Variants in TDP1 observed in about 807,000 individuals in gnomAD.
TDP1 encodes tyrosyl-DNA phosphodiesterase 1.
A neutral mutation model predicts 81.5 loss-of-function variants in TDP1; 64 were observed. That is an observed-to-expected ratio of 0.79 (90% CI 0.64 to 0.97). The LOEUF (loss-of-function observed/expected upper bound fraction) is 0.97. Ranked by LOEUF, TDP1 falls within the 50% of genes least tolerant of loss-of-function variation. The pLI is 0.00. For missense variants in TDP1, 723 were observed against 743.8 expected (o/e 0.97, Z 0.33); for synonymous variants, 256 against 264.3 (o/e 0.97, Z 0.30).
chr14:89,980,233 G>A (rs780074658), intron 7 of TDP1: 8 of 985,324 alleles, frequency 8.1e-6, no homozygotes, highest in Non-Finnish European at 9.6e-6. Flanking sequence ...ACGGTCCCTA[G>A]TAGTAACAGG....
At chr14:89,965,960 T>A in intron 3 of TDP1, 187 bp from the exon 4 acceptor site, 1 of 779,798 alleles carries the variant, frequency 1.3e-6, no homozygotes, top group Non-Finnish European at 1.6e-6. Context: ...TGATAAATAT[T>A]AAATACCATA....
At chr14:90,037,758 A>G (rs1887970461) in intron 16 of TDP1, among the ~76,000 whole-genome samples, 2 of 152,216 alleles carry the variant, frequency 1.3e-5, no homozygotes, top group South Asian at 4.1e-4. Flanking sequence ...CAGTACAGTG[A>G]TCAATATCAG....
intron 16 of TDP1, among the ~76,000 whole-genome samples, chr14:90,034,056 G>A (rs570395785): frequency 1.3e-5 from 2 of 151,918 alleles, no homozygotes; most frequent in African/African-American, 2.4e-5. Context: ...GACAGAGCAA[G>A]ACCCCAACTC....
intron 6 of TDP1, among the ~76,000 whole-genome samples, chr14:89,972,878 C>T (rs773586164): frequency 5.3e-5 from 8 of 152,178 alleles, no homozygotes; most frequent in Non-Finnish European, 1.0e-4. Flanking sequence ...TTCTGCTCTG[C>T]AAGTACAGAG....
At chr14:90,018,031 C>T (rs1885516818) in intron 14 of TDP1, among the ~76,000 whole-genome samples, 1 of 152,016 alleles carries the variant, frequency 6.6e-6, no homozygotes, top group Admixed American at 6.6e-5. Context: ...CTCTGATTTC[C>T]ACATTCTTCT....
At chr14:89,979,366 G>T (rs1894722076) in intron 7 of TDP1, among the ~76,000 whole-genome samples, 1 of 151,412 alleles carries the variant, frequency 6.6e-6, no homozygotes, top group African/African-American at 2.4e-5. Context: ...CTGGAGTGCA[G>T]TGGTGCAGTC....
intron 8 of TDP1, 51 bp from the exon 9 acceptor site, chr14:89,984,465 A>G (rs780050892): frequency 6.2e-7 from 1 of 1,612,548 alleles, no homozygotes; most frequent in South Asian, 1.1e-5. Flanking sequence ...TACAGAGATC[A>G]TTATGATCAG....
At position 89,971,289 on chromosome 14, in the gene TDP1, G is replaced by A. The variant is rs149166005; in HGVS notation, c.756+18G>A. 1.6e-5 allele frequency: 26 copies of A among 1,592,102 alleles called. No individual in the cohort carries two copies. The highest frequency in any genetic ancestry group is 1.7e-4 in the Middle Eastern group (1 of 6,008). On this transcript the variant is annotated intron_variant, in intron 6 of 16. Transcript: ENST00000335725. ...TCTGCCAGGTAAGCCACTTACTGCC[G>A]TTGGAGAGCACGCGTAGTCTGAGTT...
rs35776622 is a variant in TDP1, at chr14:89,966,922, A to C, written c.604-445A>C. On this transcript the variant is annotated intron_variant, in intron 4 of 16. Transcript: ENST00000335725. ...TGTCTGGTCCCAGGTGGCTGTGTACAAAGCTAGCTAATAAGTTAGCCTGAA... is the reference window on the plus strand; with the variant it reads ...TGTCTGGTCCCAGGTGGCTGTGTACCAAGCTAGCTAATAAGTTAGCCTGAA... 4,359 of 935,224 alleles carry C rather than the reference A, an allele frequency of 4.7e-3. 16 individuals carry two copies. The highest frequency in any genetic ancestry group is 5.2e-3 in the Non-Finnish European group (4,087 of 784,100). The allele number at this position is 935,224 out of a possible 1,614,324, so 57.9% of individuals were successfully genotyped here. A position where few individuals can be genotyped will look rare whatever the true frequency, so the allele number is the denominator to read the frequency against.
At chr14:90,005,570 CATT>C (rs1460667570) in intron 14 of TDP1, among the ~76,000 whole-genome samples, 1 of 152,158 alleles carries the variant, frequency 6.6e-6, no homozygotes, top group Non-Finnish European at 1.5e-5. Context: ...ATTCATTCCT[CATT>C]ATAGCCCAGT....
intron 8 of TDP1, chr14:89,981,574 CTG>C: frequency 4.6e-6 from 2 of 435,638 alleles, no homozygotes; most frequent in South Asian, 3.4e-5. Context: ...CACGTTTTCT[CTG>C]TCATCCTCCT....
At chr14:89,992,015 T>C (rs750519703) in intron 13 of TDP1, 32 bp downstream of exon 13, 4 of 1,584,052 alleles carry the variant, frequency 2.5e-6, no homozygotes, top group Non-Finnish European at 3.5e-6. Flanking sequence ...CTGCTATTGC[T>C]TCTTTAGGAA....
rs184126990 is a variant in TDP1, at chr14:89,979,697, A to G, written c.792-843A>G. On this transcript the variant is annotated intron_variant, in intron 7 of 16. Coordinates refer to ENST00000335725, the MANE Select transcript of TDP1 (RefSeq NM_018319.4). ...AAGTGGAAAACTGAGGCTCGGGGAC[A>G]TTGAATGGCTTACCTAGGGTCAAAG... 4.3e-4 allele frequency among the ~76,000 whole-genome samples: 65 copies of G among 152,332 alleles called. 1 individual carries two copies. The highest frequency in any genetic ancestry group is 2.2e-3 in the Admixed American group (33 of 15,306).
rs146922549 is a variant in TDP1, at chr14:90,009,375, A to G, written c.1542-9941A>G. On this transcript the variant is annotated intron_variant, in intron 14 of 16. Transcript: ENST00000335725. ...GGTTGAAAGCAGAAAGGAAGCCACA[A>G]AGTGTAGCAGAAAACAAGGAAGAAT... 4.3e-3 allele frequency among the ~76,000 whole-genome samples: 650 copies of G among 152,338 alleles called. 4 individuals carry two copies. The highest frequency in any genetic ancestry group is 0.015 in the African/African-American group (603 of 41,562).
Position 89,963,530 on chromosome 14 carries a change from A to C in TDP1, c.416A>C (p.Lys139Thr), listed in dbSNP as rs756488898. 1.9e-6 allele frequency: 3 copies of C among 1,606,698 alleles called. No homozygotes were observed. In the African/African-American group the frequency reaches 4.0e-5, roughly 22 times the overall value. ...NHGAPACHRL[K>T]EEEDEYETSG... ...GGCGCTCCCGCCTGCCACAGGCTCA[A>C]AGAGGAGGAAGACGAGTATGAGACA... Residue 139 changes from lysine (K) to threonine (T), a missense_variant, in exon 3 of 17, where the codon AAA becomes ACA. Lys to Thr is a moderately conservative substitution (Grantham distance 78). Coordinates refer to ENST00000335725, the MANE Select transcript of TDP1 (RefSeq NM_018319.4).
At chr14:90,016,108 C>T (rs1240684086) in intron 14 of TDP1, among the ~76,000 whole-genome samples, 2 of 151,250 alleles carry the variant, frequency 1.3e-5, no homozygotes, top group African/African-American at 4.9e-5. Flanking sequence ...GCAATGGCTC[C>T]ATCTTGCCCC....
At chr14:89,962,059 T>G (rs79630476) in intron 2 of TDP1, among the ~76,000 whole-genome samples, 1 of 152,304 alleles carries the variant, frequency 6.6e-6, no homozygotes, top group African/African-American at 2.4e-5. Flanking sequence ...AAGTGACTGT[T>G]TCGTGTACTT....
chr14:89,973,269 A>G (rs1040351230), intron 6 of TDP1, among the ~76,000 whole-genome samples: 2 of 152,248 alleles, frequency 1.3e-5, no homozygotes, highest in Non-Finnish European at 2.9e-5. Flanking sequence ...GCTCCCATCA[A>G]ACCTTATAGT....
intron 8 of TDP1, among the ~76,000 whole-genome samples, chr14:89,982,436 A>G (rs777434185): frequency 2.0e-5 from 3 of 152,164 alleles, no homozygotes; most frequent in Non-Finnish European, 2.9e-5. Context: ...TCAAAAGGCA[A>G]TGAGATTAAT....
Sources: gnomAD v4.1 joint callset for allele counts (sites outside exome capture counted in the v4.1 genomes callset) on GRCh38, gnomAD v4.1.1 for gene constraint, MANE v1.5 for transcripts, NCBI Gene and HGNC (gene_info 2026-07-23, HGNC 2026-07-21) for gene names.